ANKRD27: variants seen among roughly 807,000 people sequenced by gnomAD.
ANKRD27 encodes the protein ankyrin repeat domain 27.
A neutral mutation model predicts 129.7 loss-of-function variants in ANKRD27; 112 were observed. The ratio of observed to expected loss-of-function variants is 0.86; its 90% CI spans 0.74 to 1.01. The LOEUF (loss-of-function observed/expected upper bound fraction) is 1.01, where lower values mean the gene tolerates loss of function less well. Ranked by LOEUF, ANKRD27 falls within the 50% of genes least tolerant of loss-of-function variation. ANKRD27 has a pLI of 0.00. For missense variants in ANKRD27, 1,258 were observed against 1,300.5 expected, an observed-to-expected ratio of 0.97 and a Z score of 0.50; for synonymous variants, 516 against 511.2, an observed-to-expected ratio of 1.01 and a Z score of -0.13.
At chr19:32,635,698 T>G (rs533416697) in intron 12 of ANKRD27, among the ~76,000 whole-genome samples, 1 of 152,004 alleles carries the variant, frequency 6.6e-6, no homozygotes, top group Non-Finnish European at 1.5e-5. Flanking sequence ...GCCAGCCACA[T>G]CCGAGATGCG....
chr19:32,621,363 A>AC (rs1972007456), intron 18 of ANKRD27, among the ~76,000 whole-genome samples: 1 of 152,190 alleles, frequency 6.6e-6, no homozygotes, highest in Non-Finnish European at 1.5e-5. Flanking sequence ...GCAATAACTC[A>AC]CACCTGTAAT....
At chr19:32,655,760 G>A (rs1220141755) in intron 2 of ANKRD27, among the ~76,000 whole-genome samples, 5 of 152,144 alleles carry the variant, frequency 3.3e-5, no homozygotes, top group Non-Finnish European at 5.9e-5. Context: ...GCTCACGCCT[G>A]TAATTCCAGC....
intron 3 of ANKRD27, among the ~76,000 whole-genome samples, chr19:32,647,306 T>G (rs914641675): frequency 1.3e-5 from 2 of 152,250 alleles, no homozygotes; most frequent in African/African-American, 4.8e-5. Context: ...TACACGTTTC[T>G]GATAGGAATG....
At chr19:32,626,006 G>C in intron 16 of ANKRD27, 40 bp from the exon 17 acceptor site, 1 of 1,531,044 alleles carries the variant, frequency 6.5e-7, no homozygotes, top group Non-Finnish European at 8.8e-7. Context: ...GGCACAGCCG[G>C]CTCCCTGGGA....
chr19:32,662,343 A>T (rs1967662482), intron 1 of ANKRD27, among the ~76,000 whole-genome samples: 1 of 143,706 alleles, frequency 7.0e-6, no homozygotes, highest in Non-Finnish European at 1.5e-5. Flanking sequence ...AAAAGGAAGT[A>T]GACTCATTTC....
chr19:32,621,368 T>A (rs1042623573), intron 18 of ANKRD27, among the ~76,000 whole-genome samples: 8 of 152,222 alleles, frequency 5.3e-5, no homozygotes, highest in African/African-American at 1.9e-4. Flanking sequence ...AACTCACACC[T>A]GTAATCCCAG....
chr19:32,620,287 G>A (rs1599744017), intron 18 of ANKRD27, among the ~76,000 whole-genome samples: 1 of 151,696 alleles, frequency 6.6e-6, no homozygotes, highest in Non-Finnish European at 1.5e-5. Context: ...AGCCGGGCGA[G>A]ATGACCCATA....
At chr19:32,662,281 AG>A (rs1967658937) in intron 1 of ANKRD27, among the ~76,000 whole-genome samples, 1 of 131,184 alleles carries the variant, frequency 7.6e-6, no homozygotes, top group Non-Finnish European at 1.6e-5. Flanking sequence ...ACTGCACTCC[AG>A]CTTGGGCAAA....
At chr19:32,650,754 A>T (rs171824) in intron 2 of ANKRD27, among the ~76,000 whole-genome samples, 131,609 of 140,136 alleles carry the variant, frequency 0.94, 61,829 homozygotes, top group Admixed American at 0.96. Context: ...GCTTTTATTT[A>T]TTTTTTTTTT....
In ANKRD27 at chr19:32,673,972, T is replaced by A. The variant is rs1599783530; in HGVS notation, c.-31+1099A>T. 2.9e-5 allele frequency among the ~76,000 whole-genome samples: 4 copies of A among 136,120 alleles called. No individual in the cohort carries two copies. The South Asian group carries it at 9.3e-4, about 31-fold the overall frequency. 89.3% of individuals were successfully genotyped at this position (136,120 alleles called of 152,430 possible). On this transcript the variant is annotated intron_variant, in intron 1 of 28. Coordinates refer to ENST00000306065, the MANE Select transcript of ANKRD27 (RefSeq NM_032139.3). ...GACCAGCCTAGGCAACCTGCTAGAC[T>A]CCATCTCTACAAAAAAAAAAAAAAA...
At position 32,617,621 on chromosome 19, in the gene ANKRD27, A is replaced by G. The variant is rs368940124; in HGVS notation, c.2020T>C (p.Leu674=). The part of the protein sequence containing the change: ...KKDYREVEKL[L]RAVADGDLEM... The stretch of plus-strand genomic sequence containing the variant: ...AGATCTCCATCAGCAACTGCTCTCA[A>G]AAGTTTTTCTACCTTAATAAAAGGA... Residue 674 remains leucine, a synonymous_variant, in exon 21 of 29, where the codon TTG becomes CTG. Transcript: ENST00000306065. The G allele has an allele frequency of 2.6e-6, 2 of 755,456 alleles. No homozygotes were observed. The highest frequency in any genetic ancestry group is 4.9e-6 in the Non-Finnish European group (2 of 408,826). 46.8% of individuals were successfully genotyped at this position (755,456 alleles called of 1,614,324 possible).
intron 25 of ANKRD27, 70 bp from the exon 26 acceptor site, chr19:32,602,196 A>T: frequency 2.0e-6 from 2 of 1,018,298 alleles, no homozygotes; most frequent in Non-Finnish European, 3.0e-6. Context: ...TTTGTTTTTG[A>T]TCTAAATGTC....
chr19:32,608,508 A>T (rs7258141), intron 22 of ANKRD27: 118,530 of 208,048 alleles, frequency 0.57, 33,560 homozygotes, highest in Non-Finnish European at 0.66. Flanking sequence ...TTACCTCTTT[A>T]AAAAAAAAAA....
At chr19:32,599,133 T>A (rs867553735) in intron 28 of ANKRD27, among the ~76,000 whole-genome samples, 4 of 152,186 alleles carry the variant, frequency 2.6e-5, no homozygotes, top group Middle Eastern at 3.4e-3. Flanking sequence ...TACAAAAAAA[T>A]TAGCCAGGAA....
intron 2 of ANKRD27, among the ~76,000 whole-genome samples, chr19:32,657,772 G>A (rs932849336): frequency 6.6e-6 from 1 of 151,992 alleles, no homozygotes; most frequent in African/African-American, 2.4e-5. Context: ...CCGGGAGTTC[G>A]GGACCAGCCT....
intron 12 of ANKRD27, 151 bp downstream of exon 12, chr19:32,639,205 G>A: frequency 1.1e-6 from 1 of 885,362 alleles, no homozygotes; most frequent in Non-Finnish European, 1.7e-6. Flanking sequence ...TCTTCACTGA[G>A]TGATTTTTAA....
chr19:32,616,135 G>A (rs983182793), intron 21 of ANKRD27, among the ~76,000 whole-genome samples: 1 of 152,034 alleles, frequency 6.6e-6, no homozygotes, highest in Non-Finnish European at 1.5e-5. Flanking sequence ...GGAGTTCAAG[G>A]CTACTGTGAG....
intron 17 of ANKRD27, 61 bp downstream of exon 17, chr19:32,625,813 G>T: frequency 7.6e-7 from 1 of 1,323,220 alleles, no homozygotes; most frequent in South Asian, 1.5e-5. Context: ...GAGAAATCCC[G>T]ACTTCTCTAC....
At chr19:32,599,387 G>A (rs1413644031) in intron 28 of ANKRD27, among the ~76,000 whole-genome samples, 1 of 152,188 alleles carries the variant, frequency 6.6e-6, no homozygotes, top group Non-Finnish European at 1.5e-5. Context: ...TATACAAACT[G>A]TCGTTTTCTT....
Sources: gnomAD v4.1 joint callset for allele counts (sites outside exome capture counted in the v4.1 genomes callset) on GRCh38, gnomAD v4.1.1 for gene constraint, MANE v1.5 for transcripts, NCBI Gene and HGNC (gene_info 2026-07-23, HGNC 2026-07-21) for gene names.